Variants in ATP5MC3 observed in about 807,000 individuals in gnomAD.
ATP5MC3 encodes the protein ATP synthase membrane subunit c locus 3.
Under a neutral mutation model 15.6 loss-of-function variants are expected in ATP5MC3, and 6 were observed. That is an observed-to-expected ratio of 0.38 (90% CI 0.21 to 0.76). The LOEUF is 0.76. ATP5MC3 is among the 30% of genes least tolerant of loss of function. ATP5MC3 has a pLI of 0.44. For synonymous variants in ATP5MC3, 66 were observed against 63.3 expected, an observed-to-expected ratio of 1.04 and a Z score of -0.20; for missense variants, 132 against 171.2, an observed-to-expected ratio of 0.77 and a Z score of 1.28.
chr2:175,178,365 T>C lies in ATP5MC3; in HGVS notation c.352A>G (p.Ile118Val), dbSNP rs1700719139. 2 of 1,612,676 alleles carry C rather than the reference T, an allele frequency of 1.2e-6. No homozygotes were observed. The highest frequency in any genetic ancestry group is 8.5e-7 in the Non-Finnish European group (1 of 1,179,536). Residue 118 changes from isoleucine to valine, a missense_variant, in exon 5 of 5, where the codon ATC (isoleucine) becomes GTC (valine). Ile to Val is a conservative substitution (Grantham distance 29). This residue lies in a region of ATP5MC3 where 42 missense variants were observed against 85.0 expected (regional missense o/e 0.49). Coordinates refer to ENST00000284727, the MANE Select transcript of ATP5MC3 (RefSeq NM_001689.5). ...GCTTCAGACAAGGCAAATCCCAGGA[T>C]AGCATATGAGAACAGCTGCTGCTTC... is the stretch of plus-strand genomic sequence containing the variant. ...SLKQQLFSYAILGFALSEAMG... is the reference protein window; with the variant it reads ...SLKQQLFSYAVLGFALSEAMG...
At position 175,181,688 on chromosome 2, in the gene ATP5MC3, G is replaced by A. The variant is rs1015455739; in HGVS notation, c.-106C>T. ...GGAGGCGGCGGCGGCACGGGCTGCGGCAGAGGTCGAAGGAGTGGGACTCAA... is the reference window on the plus strand; with the variant it reads ...GGAGGCGGCGGCGGCACGGGCTGCGACAGAGGTCGAAGGAGTGGGACTCAA... On this transcript the variant is annotated 5_prime_UTR_variant, in exon 1 of 5. Coordinates refer to ENST00000284727, the MANE Select transcript of ATP5MC3 (RefSeq NM_001689.5). 6.7e-6 allele frequency: 3 copies of A among 447,840 alleles called. No homozygotes were observed. Among genetic ancestry groups the A allele is most frequent in the East Asian group, 7.8e-5 (2 of 25,748 alleles). 27.7% of individuals were successfully genotyped at this position (447,840 alleles called of 1,614,324 possible).
chr2:175,179,280 G>C (rs12615406), intron 3 of ATP5MC3, 30 bp from the exon 4 acceptor site: 2 of 1,571,054 alleles, frequency 1.3e-6, no homozygotes, highest in Non-Finnish European at 1.7e-6. Context: ...GGTAAAGGTC[G>C]TATCAGTAAC....
Position 175,181,709 on chromosome 2 carries a change from C to A in ATP5MC3, c.-127G>T. ...TGCGGCAGAGGTCGAAGGAGTGGGA[C>A]TCAATGCGCAAGCGCGGTCCGGCTC... is the stretch of plus-strand genomic sequence containing the variant. On this transcript the variant is annotated 5_prime_UTR_variant, in exon 1 of 5. Coordinates refer to ENST00000284727, the MANE Select transcript of ATP5MC3 (RefSeq NM_001689.5). The A allele has an allele frequency of 2.7e-6, 1 of 373,162 alleles. No individual in the cohort carries two copies. The highest frequency in any genetic ancestry group is 4.8e-6 in the Non-Finnish European group (1 of 207,510). 23.1% of individuals were successfully genotyped at this position (373,162 alleles called of 1,614,324 possible). A position where few individuals can be genotyped will look rare whatever the true frequency, so the allele number is the denominator to read the frequency against.
At chr2:175,178,879 TTCTC>T in intron 4 of ATP5MC3, 174 bp downstream of exon 4, 1 of 1,189,078 alleles carries the variant, frequency 8.4e-7, no homozygotes, top group Non-Finnish European at 1.1e-6. Context: ...ATAGATGTTA[TTCTC>T]ATAACACCCC....
At chr2:175,180,009 C>T (rs976400700) in intron 3 of ATP5MC3, 89 bp downstream of exon 3, 2 of 1,138,564 alleles carry the variant, frequency 1.8e-6, no homozygotes, top group Non-Finnish European at 2.5e-6. Flanking sequence ...CCCTCAAACT[C>T]TTATTAATAA....
intron 2 of ATP5MC3, among the ~76,000 whole-genome samples, chr2:175,180,753 T>G (rs1264050788): frequency 2.0e-5 from 3 of 152,102 alleles, no homozygotes; most frequent in Non-Finnish European, 4.4e-5. Flanking sequence ...TAAATTAAGG[T>G]CACAGAAAAA....
intron 4 of ATP5MC3, 47 bp from the exon 5 acceptor site, chr2:175,178,449 C>A (rs772583219): frequency 5.2e-5 from 81 of 1,559,140 alleles, no homozygotes; most frequent in Non-Finnish European, 7.0e-5. Context: ...TTAATTTCAA[C>A]ATGTTTGGTA....
chr2:175,178,510 T>C (rs1407788246), intron 4 of ATP5MC3, 108 bp from the exon 5 acceptor site: 1 of 1,456,456 alleles, frequency 6.9e-7, no homozygotes, highest in Non-Finnish European at 9.0e-7. Context: ...AACTGAAAAG[T>C]CTGCTGGAAG....
intron 4 of ATP5MC3, 176 bp downstream of exon 4, chr2:175,178,866 TTCATAGATGTTATTC>T (rs1187482607): frequency 1.8e-6 from 2 of 1,139,888 alleles, no homozygotes; most frequent in Admixed American, 3.2e-5. Flanking sequence ...TCTCTAGTCC[TTCATAGATGTTATTC>T]TCATAACACC....
rs1700713274 is a variant in ATP5MC3, at chr2:175,178,022, G to A, written c.*266C>T. 9.5e-6 allele frequency: 3 copies of A among 316,384 alleles called. No homozygotes were observed. Among genetic ancestry groups the A allele is most frequent in the African/African-American group, 2.2e-5 (1 of 45,560 alleles). The allele number at this position is 316,384 out of a possible 1,614,324, so 19.6% of individuals were successfully genotyped here. A position where few individuals can be genotyped will look rare whatever the true frequency, so the allele number is the denominator to read the frequency against. Reference sequence around the variant, plus strand: ...AAAGAATTCCCATAAAAATTACATTGGAATATTTTTCATCAGTGGAGCAAC... The same window carrying A: ...AAAGAATTCCCATAAAAATTACATTAGAATATTTTTCATCAGTGGAGCAAC... On this transcript the variant is annotated 3_prime_UTR_variant, in exon 5 of 5. Coordinates refer to ENST00000284727, the MANE Select transcript of ATP5MC3 (RefSeq NM_001689.5).
intron 3 of ATP5MC3, 125 bp downstream of exon 3, chr2:175,179,973 T>C (rs554240721): frequency 1.3e-6 from 1 of 787,572 alleles, no homozygotes; most frequent in Non-Finnish European, 1.9e-6. Context: ...ATCTAGTTTT[T>C]TGGATAAAAG....
intron 4 of ATP5MC3, 185 bp downstream of exon 4, chr2:175,178,872 G>T: frequency 1.7e-6 from 2 of 1,152,746 alleles, no homozygotes; most frequent in Non-Finnish European, 2.3e-6. Context: ...GTCCTTCATA[G>T]ATGTTATTCT....
chr2:175,178,055 G>T lies in ATP5MC3; in HGVS notation c.*233C>A. The T allele has an allele frequency of 1.7e-6, 1 of 600,642 alleles. No individual in the cohort carries two copies. Among genetic ancestry groups the T allele is most frequent in the Non-Finnish European group, 2.4e-6 (1 of 415,220 alleles). The allele number at this position is 600,642 out of a possible 1,614,324, so 37.2% of individuals were successfully genotyped here. On this transcript the variant is annotated 3_prime_UTR_variant, in exon 5 of 5. Transcript: ENST00000284727. ...TTTCATCAGTGGAGCAACTGCTGTA[G>T]CTTCCTCTGAATGGGACAGCATCTG... is the stretch of plus-strand genomic sequence containing the variant.
chr2:175,181,251 G>A (rs1052311549), intron 2 of ATP5MC3, 104 bp downstream of exon 2: 14 of 1,355,964 alleles, frequency 1.0e-5, no homozygotes, highest in Non-Finnish European at 1.3e-5. Flanking sequence ...CCGTTCCCGA[G>A]AGGGCGGTGT....
chr2:175,181,497 G>T, intron 1 of ATP5MC3, 31 bp from the exon 2 acceptor site: 2 of 1,412,688 alleles, frequency 1.4e-6, no homozygotes, highest in Non-Finnish European at 2.0e-6. Flanking sequence ...AAGGTCAAGT[G>T]CCCTCCAGGG....
chr2:175,179,304 T>G, intron 3 of ATP5MC3, 54 bp from the exon 4 acceptor site: 1 of 1,528,978 alleles, frequency 6.5e-7, no homozygotes, highest in Non-Finnish European at 8.8e-7. Context: ...AGGTAGCTAT[T>G]TTAATTAAAT....
At chr2:175,181,233 G>A in intron 2 of ATP5MC3, 122 bp downstream of exon 2, 1 of 1,225,106 alleles carries the variant, frequency 8.2e-7, no homozygotes, top group Non-Finnish European at 1.1e-6. Context: ...TAATAGGTAA[G>A]GAGAAAGCCG....
chr2:175,178,490 G>C, intron 4 of ATP5MC3, 88 bp from the exon 5 acceptor site: 1 of 1,486,700 alleles, frequency 6.7e-7, no homozygotes. Flanking sequence ...CTAGTGTGGG[G>C]ATTTTTGTAA....
rs567368388 is a variant in ATP5MC3 at position 175,177,455 on chromosome 2, C to T, written c.*833G>A. On this transcript the variant is annotated 3_prime_UTR_variant, in exon 5 of 5. Coordinates refer to ENST00000284727, the MANE Select transcript of ATP5MC3 (RefSeq NM_001689.5). ...CTTCCTTTGAATGGGAAAAGTTTGA[C>T]CAAGAAGCAACATAAAGTATTAGCA... 6.6e-6 allele frequency: 1 copy of T among 152,100 alleles called. No individual in the cohort carries two copies. Among genetic ancestry groups the T allele is most frequent in the Non-Finnish European group, 1.5e-5 (1 of 68,022 alleles). 9.4% of individuals were successfully genotyped at this position (152,100 alleles called of 1,614,324 possible).
Sources: allele counts gnomAD v4.1 joint callset (sites outside exome capture counted in the v4.1 genomes callset), GRCh38; gene constraint gnomAD v4.1.1; regional missense constraint gnomAD v4.1.1; transcripts MANE v1.5; gene names NCBI Gene and HGNC (gene_info 2026-07-23, HGNC 2026-07-21).